Variants in KREMEN2 observed in about 807,000 individuals in gnomAD.
The protein encoded by KREMEN2 is kremen protein 2.
KREMEN2 carries 43 observed loss-of-function variants against 49.8 expected under a neutral mutation model. That is an observed-to-expected ratio of 0.86 (90% CI 0.68 to 1.11). KREMEN2 has a LOEUF of 1.11. Among genes scored for constraint, KREMEN2 ranks in the 50% most tolerant of loss-of-function variants. The pLI is 0.00. For synonymous variants in KREMEN2, 355 were observed against 304.9 expected (o/e 1.16, Z -1.71); for missense variants, 686 against 665.7 (o/e 1.03, Z -0.34).
At position 2,966,048 on chromosome 16, in the gene KREMEN2, T is replaced by G. The variant is rs1310151347; in HGVS notation, c.270-92T>G. 2 of 1,157,614 alleles carry G rather than the reference T, an allele frequency of 1.7e-6. No homozygotes were observed. Among genetic ancestry groups the G allele is most frequent in the Non-Finnish European group, 2.6e-6 (2 of 779,748 alleles). The allele number at this position is 1,157,614 out of a possible 1,614,324, so 71.7% of individuals were successfully genotyped here. The stretch of plus-strand genomic sequence containing the variant: ...ACAGCCGCTCACAGGCACAGAGCCT[T>G]GAAGGCCACTTTGAGCATAGGCTGC... On this transcript the variant is annotated intron_variant, in intron 2 of 8. Coordinates refer to ENST00000303746, the MANE Select transcript of KREMEN2 (RefSeq NM_172229.3). This position sits in a 1 kb window ranked among gnomAD's most constrained non-coding sequence, Gnocchi z 8.4.
intron 2 of KREMEN2, among the ~76,000 whole-genome samples, chr16:2,965,769 C>CAAAAAAAAAAAAA (rs5815141): frequency 8.6e-6 from 1 of 115,666 alleles, no homozygotes; most frequent in African/African-American, 3.3e-5. Flanking sequence ...AGACTCGTCT[C>CAAAAAAAAAAAAA]AAAAAAAAAA....
In KREMEN2 at chr16:2,966,190, A is replaced by G. The variant is rs1042907318; in HGVS notation, c.320A>G (p.Glu107Gly). ...QPWCYVAETE[E>G]GIYWRYCDIP... is the part of the protein sequence containing the mutation. ...TGGTGCTACGTGGCTGAGACAGAGGAGGGCATCTACTGGCGCTACTGCGAC... is the reference window on the plus strand; with the variant it reads ...TGGTGCTACGTGGCTGAGACAGAGGGGGGCATCTACTGGCGCTACTGCGAC... Residue 107 changes from glutamate to glycine, a missense_variant, in exon 3 of 9, where the codon GAG becomes GGG. Transcript: ENST00000303746. This position sits in a 1 kb window ranked among gnomAD's most constrained non-coding sequence, Gnocchi z 8.4. The G allele has an allele frequency of 1.2e-6, 2 of 1,612,670 alleles. No homozygotes were observed. The highest frequency in any genetic ancestry group is 2.7e-5 in the African/African-American group (2 of 74,882).
In KREMEN2 at chr16:2,966,978, G is replaced by C; in HGVS notation, c.709G>C (p.Asp237His). ...CGTCATCTACTCCCCGGACTTCCCG[G>C]ACGAGTACGGGCCGGACCGGAACTG... ...QGVIYSPDFP[D>H]EYGPDRNCSW... is the part of the protein sequence containing the mutation. Residue 237 changes from aspartate to histidine, a missense_variant, in exon 6 of 9, where the codon GAC (aspartate) becomes CAC (histidine). Coordinates refer to ENST00000303746, the MANE Select transcript of KREMEN2 (RefSeq NM_172229.3). This position sits in a 1 kb window ranked among gnomAD's most constrained non-coding sequence, Gnocchi z 8.4. 6.4e-7 allele frequency: 1 copy of C among 1,555,814 alleles called. No individual in the cohort carries two copies.
chr16:2,964,456 G>A lies in KREMEN2; in HGVS notation c.-65G>A. ...CCCCCTAGGTCTCCTGGGAGACCCC[G>A]AAGCGACCCCGGGGGCAGCCCGGGC... is the stretch of plus-strand genomic sequence containing the variant. On this transcript the variant is annotated 5_prime_UTR_variant, in exon 1 of 9. Transcript: ENST00000303746. The A allele has an allele frequency of 8.0e-7, 1 of 1,255,160 alleles. No homozygotes were observed. 77.8% of individuals were successfully genotyped at this position (1,255,160 alleles called of 1,614,324 possible). A position where few individuals can be genotyped will look rare whatever the true frequency, so the allele number is the denominator to read the frequency against.
At position 2,966,976 on chromosome 16, in the gene KREMEN2, C is replaced by A. The variant is rs768202280; in HGVS notation, c.707C>A (p.Pro236Gln). Reference protein sequence around the residue: ...PQGVIYSPDFPDEYGPDRNCS... With the variant: ...PQGVIYSPDFQDEYGPDRNCS... ...GGCGTCATCTACTCCCCGGACTTCCCGGACGAGTACGGGCCGGACCGGAAC... is the reference window on the plus strand; with the variant it reads ...GGCGTCATCTACTCCCCGGACTTCCAGGACGAGTACGGGCCGGACCGGAAC... The change falls in exon 6 of 9, where the codon CCG becomes CAG. Residue 236 changes from proline to glutamine, a missense_variant. Pro to Gln is a moderately conservative substitution (Grantham distance 76). Transcript: ENST00000303746. The surrounding 1 kb of genome is among the most constrained non-coding windows in gnomAD (Gnocchi z 8.4). 1 of 1,554,804 alleles carries A rather than the reference C, an allele frequency of 6.4e-7. No individual in the cohort carries two copies. The highest frequency in any genetic ancestry group is 2.4e-5 in the East Asian group (1 of 42,240).
At position 2,968,028 on chromosome 16, in the gene KREMEN2, C is replaced by A. The variant is rs1375936735; in HGVS notation, c.*8C>A. 2 of 1,543,860 alleles carry A rather than the reference C, an allele frequency of 1.3e-6. No individual in the cohort carries two copies. Among genetic ancestry groups the A allele is most frequent in the Admixed American group, 1.9e-5 (1 of 51,850 alleles). On this transcript the variant is annotated 3_prime_UTR_variant, in exon 9 of 9. Transcript: ENST00000303746. Reference sequence around the variant, plus strand: ...CTCATCTCCGCTCTCTGACTCTGGGCCCCGAGGGTCCGCTGGGCCCGCCGC... The same window carrying A: ...CTCATCTCCGCTCTCTGACTCTGGGACCCGAGGGTCCGCTGGGCCCGCCGC...
Position 2,967,013 on chromosome 16 carries a change from C to A in KREMEN2, c.744C>A (p.Ala248=). The A allele has an allele frequency of 6.5e-7, 1 of 1,547,686 alleles. No individual in the cohort carries two copies. The highest frequency in any genetic ancestry group is 2.0e-5 in the Admixed American group (1 of 50,900). Residue 248 remains alanine, a synonymous_variant, in exon 6 of 9, where the codon GCC becomes GCA. Transcript: ENST00000303746. ...GGCCGGACCGGAACTGCAGCTGGGC[C>A]CTGGGCCCGCCAGGCGCCGCGCTGG... is the stretch of plus-strand genomic sequence containing the variant. ...EYGPDRNCSW[A]LGPPGAALEL...
chr16:2,965,391 G>T (rs73482252), intron 2 of KREMEN2, among the ~76,000 whole-genome samples: 1,600 of 151,908 alleles, frequency 0.011, 28 homozygotes, highest in African/African-American at 0.037. Flanking sequence ...ACTTATTTTG[G>T]GGTTCAGAGC....
intron 2 of KREMEN2, among the ~76,000 whole-genome samples, chr16:2,965,895 C>G (rs985148907): frequency 1.3e-5 from 2 of 152,172 alleles, no homozygotes; most frequent in Admixed American, 6.5e-5. Flanking sequence ...ACAGCTGAAG[C>G]CTAAAAACAG....
Position 2,967,442 on chromosome 16 carries a change from G to A in KREMEN2, c.1096G>A (p.Gly366Arg), listed in dbSNP as rs1202242320. 4 of 1,409,374 alleles carry A rather than the reference G, an allele frequency of 2.8e-6. No homozygotes were observed. Among genetic ancestry groups the A allele is most frequent in the Non-Finnish European group, 2.7e-6 (3 of 1,093,076 alleles). The allele number at this position is 1,409,374 out of a possible 1,614,324, so 87.3% of individuals were successfully genotyped here. A position where few individuals can be genotyped will look rare whatever the true frequency, so the allele number is the denominator to read the frequency against. ...GCCTGGGGCTCCGCCGGCCGCGATT[G>A]GGGGTGAGGCGGGCGCGCGGGACGG... ...PRPGAPPAAI[G>R]ARVFSTVTAV... The change falls in exon 7 of 9, where the codon GGG (glycine) becomes AGG (arginine). Residue 366 changes from glycine (G) to arginine (R), a missense_variant. Gly to Arg is a moderately radical substitution (Grantham distance 125). Coordinates refer to ENST00000303746, the MANE Select transcript of KREMEN2 (RefSeq NM_172229.3).
rs907698095 is a variant in KREMEN2 at position 2,964,699 on chromosome 16, G to C, written c.94+85G>C. ...AGGGCCAGGCCCCCAAGGCTAGGGAGGGGGACAGAGCAGGTGGCCGGAGCA... is the reference window on the plus strand; with the variant it reads ...AGGGCCAGGCCCCCAAGGCTAGGGACGGGGACAGAGCAGGTGGCCGGAGCA... On this transcript the variant is annotated intron_variant, in intron 1 of 8. Coordinates refer to ENST00000303746, the MANE Select transcript of KREMEN2 (RefSeq NM_172229.3). 7.8e-6 allele frequency: 11 copies of C among 1,408,026 alleles called. No homozygotes were observed. The East Asian group carries it at 2.7e-4, about 34-fold the overall frequency. The allele number at this position is 1,408,026 out of a possible 1,614,324, so 87.2% of individuals were successfully genotyped here.
Position 2,964,954 on chromosome 16 carries a change from G to A in KREMEN2, c.190G>A (p.Asp64Asn). The change falls in exon 2 of 9, where the codon GAC becomes AAC. Residue 64 changes from aspartate to asparagine, a missense_variant. Physicochemically the swap from Asp to Asn is conservative, Grantham distance 23. Transcript: ENST00000303746. ...GGCGGGCCGCCCGTGCCTCTTCTGGGACCAGACGCAGCAACACAGCTACAG... is the reference window on the plus strand; with the variant it reads ...GGCGGGCCGCCCGTGCCTCTTCTGGAACCAGACGCAGCAACACAGCTACAG... ...RGAGRPCLFW[D>N]QTQQHSYSSA... The A allele has an allele frequency of 1.9e-6, 3 of 1,590,018 alleles. No individual in the cohort carries two copies. The highest frequency in any genetic ancestry group is 2.3e-5 in the East Asian group (1 of 43,522).
At chr16:2,964,786 G>A (rs1024068843) in intron 1 of KREMEN2, 73 bp from the exon 2 acceptor site, 6 of 1,545,292 alleles carry the variant, frequency 3.9e-6, no homozygotes, top group Non-Finnish European at 5.3e-6. Context: ...GGACCCAGGC[G>A]GGAGGTGGCG....
At chr16:2,965,132 G>C (rs1443024996) in intron 2 of KREMEN2, 99 bp downstream of exon 2, 14 of 927,314 alleles carry the variant, frequency 1.5e-5, no homozygotes, top group Non-Finnish European at 1.9e-5. Flanking sequence ...GGTCTGCCGT[G>C]GACTGGCAGC....
Position 2,966,331 on chromosome 16 carries a change from G to A in KREMEN2, c.368G>A (p.Gly123Asp). The A allele has an allele frequency of 6.2e-7, 1 of 1,612,360 alleles. No homozygotes were observed. The highest frequency in any genetic ancestry group is 1.1e-5 in the South Asian group (1 of 91,022). Residue 123 changes from glycine (G) to aspartate (D), a missense_variant, in exon 4 of 9, where the codon GGC (glycine) becomes GAC (aspartate). Coordinates refer to ENST00000303746, the MANE Select transcript of KREMEN2 (RefSeq NM_172229.3). The surrounding 1 kb of genome is among the most constrained non-coding windows in gnomAD (Gnocchi z 8.4). ...TCTGACTCTGCCCCCTCAGTGCCAGGCTACCTGGGATGCTTTGTGGACTCA... is the reference window on the plus strand; with the variant it reads ...TCTGACTCTGCCCCCTCAGTGCCAGACTACCTGGGATGCTTTGTGGACTCA... The part of the protein sequence containing the change: ...YCDIPSCHMP[G>D]YLGCFVDSGA...
chr16:2,965,230 ATCC>A (rs1411066798), intron 2 of KREMEN2, among the ~76,000 whole-genome samples, 197 bp downstream of exon 2: 2 of 151,894 alleles, frequency 1.3e-5, no homozygotes, highest in Non-Finnish European at 2.9e-5. Context: ...CGCAAAAGGG[ATCC>A]TCCTCAGGTG....
rs908666347 is a variant in KREMEN2, at chr16:2,964,417, G to A, written c.-104G>A. ...GCTCAGAGTCGGACGAGGGGAGACTGTCAGAGGACAACGCCCCCTAGGTCT... is the reference window on the plus strand; with the variant it reads ...GCTCAGAGTCGGACGAGGGGAGACTATCAGAGGACAACGCCCCCTAGGTCT... On this transcript the variant is annotated 5_prime_UTR_variant, in exon 1 of 9. Transcript: ENST00000303746. The A allele has an allele frequency of 5.1e-5, 39 of 767,632 alleles. No homozygotes were observed. Among genetic ancestry groups the A allele is most frequent in the Admixed American group, 2.6e-5 (1 of 38,448 alleles). The allele number at this position is 767,632 out of a possible 1,614,324, so 47.6% of individuals were successfully genotyped here.
rs1022309404 is a variant in KREMEN2 at position 2,968,291 on chromosome 16, C to T, written c.*271C>T. The T allele has an allele frequency of 4.4e-5, 63 of 1,415,820 alleles. No homozygotes were observed. The highest frequency in any genetic ancestry group is 1.7e-4 in the Middle Eastern group (1 of 5,746). 87.7% of individuals were successfully genotyped at this position (1,415,820 alleles called of 1,614,324 possible). The stretch of plus-strand genomic sequence containing the variant: ...GTCTTTGAACCCCTCTGGGGGTGGT[C>T]CTGGACTGCCGTCCTCAGTGAGAGG... On this transcript the variant is annotated 3_prime_UTR_variant, in exon 9 of 9. Coordinates refer to ENST00000303746, the MANE Select transcript of KREMEN2 (RefSeq NM_172229.3).
Position 2,967,310 on chromosome 16 carries a change from C to T in KREMEN2, c.974-10C>T. ...GCTCTCCCCACCCCGCCTCACGCCC[C>T]TCTCCGCAGGGCTGCAGGACGCCGC... On this transcript the variant is annotated splice_polypyrimidine_tract_variant and intron_variant, in intron 6 of 8. Transcript: ENST00000303746. 1 of 1,377,458 alleles carries T rather than the reference C, an allele frequency of 7.3e-7. No homozygotes were observed. The highest frequency in any genetic ancestry group is 9.3e-7 in the Non-Finnish European group (1 of 1,076,548). The allele number at this position is 1,377,458 out of a possible 1,614,324, so 85.3% of individuals were successfully genotyped here.
Sources: allele counts gnomAD v4.1 joint callset (sites outside exome capture counted in the v4.1 genomes callset), GRCh38; gene constraint gnomAD v4.1.1; non-coding constraint Gnocchi (gnomAD v3.1); transcripts MANE v1.5; gene names NCBI Gene and HGNC (gene_info 2026-07-23, HGNC 2026-07-21).